The following TTC29 variants were observed in gnomAD, a reference collection of about 807,000 sequenced individuals.
TTC29 encodes the protein tetratricopeptide repeat protein 29.
A neutral mutation model predicts 58.1 loss-of-function variants in TTC29; 49 were observed. The observed-to-expected ratio is 0.84, with a 90% CI of 0.67 to 1.07. TTC29 has a LOEUF of 1.07. Among genes scored for constraint, TTC29 ranks in the 50% least tolerant of loss-of-function variants. The pLI is 0.00. For missense variants in TTC29, 582 were observed against 555.6 expected, an observed-to-expected ratio of 1.05 and a Z score of -0.48; for synonymous variants, 209 against 196.8, an observed-to-expected ratio of 1.06 and a Z score of -0.52.
At chr4:146,806,718 G>A (rs996545942) in intron 10 of TTC29, among the ~76,000 whole-genome samples, 1 of 151,868 alleles carries the variant, frequency 6.6e-6, no homozygotes, top group Admixed American at 6.6e-5. Context: ...CCCCATACAG[G>A]AGCACCCAGA....
chr4:146,724,468 T>G (rs543887244), intron 11 of TTC29, among the ~76,000 whole-genome samples: 1 of 152,352 alleles, frequency 6.6e-6, no homozygotes, highest in East Asian at 1.9e-4. Context: ...GTCTAAACTT[T>G]TAGTCACAGT....
intron 11 of TTC29, among the ~76,000 whole-genome samples, chr4:146,761,443 TTCTC>T (rs1040443166): frequency 1.3e-5 from 2 of 151,942 alleles, no homozygotes; most frequent in African/African-American, 2.4e-5. Flanking sequence ...AAACAATTCT[TTCTC>T]TCTTACTCTT....
chr4:146,723,517 G>A (rs1455643052), intron 11 of TTC29, among the ~76,000 whole-genome samples: 2 of 151,978 alleles, frequency 1.3e-5, no homozygotes, highest in Non-Finnish European at 2.9e-5. Flanking sequence ...GAATCTATAA[G>A]GAACTTAATT....
intron 11 of TTC29, among the ~76,000 whole-genome samples, chr4:146,767,283 G>C (rs1187413897): frequency 6.6e-6 from 1 of 151,822 alleles, no homozygotes; most frequent in Non-Finnish European, 1.5e-5. Flanking sequence ...ACCTCTCCAA[G>C]CTTTCATTTT....
chr4:146,723,127 A>T (rs1463517228), intron 11 of TTC29, among the ~76,000 whole-genome samples: 1 of 152,150 alleles, frequency 6.6e-6, no homozygotes, highest in East Asian at 1.9e-4. Context: ...ACGTGCCTAT[A>T]ATCCCAGCTA....
At chr4:146,801,297 T>C (rs67026372) in intron 11 of TTC29, among the ~76,000 whole-genome samples, 7,006 of 152,264 alleles carry the variant, frequency 0.046, 234 homozygotes, top group East Asian at 0.14. Flanking sequence ...CAAACCTGTT[T>C]GATAATATCC....
intron 9 of TTC29, among the ~76,000 whole-genome samples, chr4:146,829,441 G>A (rs1728019055): frequency 6.6e-6 from 1 of 152,180 alleles, no homozygotes; most frequent in Non-Finnish European, 1.5e-5. Context: ...CCACTAAGGG[G>A]TTTGTTGATT....
In TTC29 at chr4:146,803,452, C is replaced by A; in HGVS notation, c.1330+5G>T. 1 of 1,560,142 alleles carries A rather than the reference C, an allele frequency of 6.4e-7. No homozygotes were observed. Among genetic ancestry groups the A allele is most frequent in the South Asian group, 1.2e-5 (1 of 84,186 alleles). On this transcript the variant is annotated splice_donor_5th_base_variant and intron_variant, in intron 11 of 12. Coordinates refer to ENST00000325106, the MANE Select transcript of TTC29 (RefSeq NM_031956.4). ...ACTAAAGTGTTCTAAAAACCAATGC[C>A]TTACCAGTAACTGGATCAGGTTCAA...
At chr4:146,927,965 G>A (rs1180192351) in intron 4 of TTC29, among the ~76,000 whole-genome samples, 1 of 152,156 alleles carries the variant, frequency 6.6e-6, no homozygotes, top group Non-Finnish European at 1.5e-5. Context: ...CTTGAAGCTT[G>A]TAGTCAAGTA....
At chr4:146,809,000 C>T (rs1207295901) in intron 10 of TTC29, among the ~76,000 whole-genome samples, 1 of 151,558 alleles carries the variant, frequency 6.6e-6, no homozygotes, top group African/African-American at 2.4e-5. Flanking sequence ...TACAAGGCTA[C>T]AGTAACCAAA....
intron 11 of TTC29, among the ~76,000 whole-genome samples, chr4:146,752,208 C>T (rs979861295): frequency 6.6e-6 from 1 of 151,710 alleles, no homozygotes; most frequent in Non-Finnish European, 1.5e-5. Flanking sequence ...TGATAAGCAA[C>T]TTCAGCAAAG....
At chr4:146,729,416 A>G (rs970901166) in intron 11 of TTC29, among the ~76,000 whole-genome samples, 3 of 152,154 alleles carry the variant, frequency 2.0e-5, no homozygotes, top group Non-Finnish European at 4.4e-5. Flanking sequence ...GTGACATTTG[A>G]AGACTTTTTT....
chr4:146,942,040 G>T lies in TTC29; in HGVS notation c.-6-2139C>A, dbSNP rs552507550. Among the ~76,000 whole-genome samples the T allele has an allele frequency of 6.7e-4, 102 of 152,332 alleles. 1 individual carries two copies. Among genetic ancestry groups the T allele is most frequent in the African/African-American group, 2.4e-3 (99 of 41,570 alleles). Reference sequence around the variant, plus strand: ...ACGAGAGAAAATCTTCTGAAATTCAGTGTAGAAATAGACAGCTTTGTGTTA... The same window carrying T: ...ACGAGAGAAAATCTTCTGAAATTCATTGTAGAAATAGACAGCTTTGTGTTA... On this transcript the variant is annotated intron_variant, in intron 2 of 12. Coordinates refer to ENST00000325106, the MANE Select transcript of TTC29 (RefSeq NM_031956.4).
chr4:146,938,946 C>T (rs556233575), intron 3 of TTC29, among the ~76,000 whole-genome samples: 1 of 152,282 alleles, frequency 6.6e-6, no homozygotes, highest in South Asian at 2.1e-4. Context: ...ATAATTATGA[C>T]AAAATGTATC....
intron 7 of TTC29, among the ~76,000 whole-genome samples, chr4:146,868,525 GTCTT>G (rs1282280005): frequency 6.6e-6 from 1 of 151,978 alleles, no homozygotes; most frequent in Admixed American, 6.6e-5. Context: ...AATAAAGTTA[GTCTT>G]TCTAATTCCT....
At chr4:146,801,413 A>G (rs1215138738) in intron 11 of TTC29, among the ~76,000 whole-genome samples, 1 of 152,088 alleles carries the variant, frequency 6.6e-6, no homozygotes, top group Non-Finnish European at 1.5e-5. Flanking sequence ...AAAGGTTATT[A>G]TTTTTCAGTT....
intron 11 of TTC29, among the ~76,000 whole-genome samples, chr4:146,727,718 C>G (rs1743900471): frequency 6.6e-6 from 1 of 152,214 alleles, no homozygotes; most frequent in Non-Finnish European, 1.5e-5. Context: ...TCGGGATATA[C>G]CACTGTTTAT....
chr4:146,808,968 GC>G (rs1484937999), intron 10 of TTC29, among the ~76,000 whole-genome samples: 1 of 151,924 alleles, frequency 6.6e-6, no homozygotes. Context: ...GAGGCATCAT[GC>G]TACCTGACTT....
At chr4:146,834,550 G>A (rs1728380784) in intron 8 of TTC29, among the ~76,000 whole-genome samples, 1 of 151,746 alleles carries the variant, frequency 6.6e-6, no homozygotes, top group Non-Finnish European at 1.5e-5. Context: ...TCAATGGCCC[G>A]AAGGAGAAAA....
Sources: gnomAD v4.1 joint callset for allele counts (sites outside exome capture counted in the v4.1 genomes callset) on GRCh38, gnomAD v4.1.1 for gene constraint, MANE v1.5 for transcripts, NCBI Gene and HGNC (gene_info 2026-07-23, HGNC 2026-07-21) for gene names.